The following ACBD4 variants were observed in gnomAD, a reference collection of about 807,000 sequenced individuals.
ACBD4 encodes the protein acyl-CoA binding domain containing 4.
Under a neutral mutation model 46.0 loss-of-function variants are expected in ACBD4, and 41 were observed. That is an observed-to-expected ratio of 0.89 (90% CI 0.69 to 1.16). ACBD4 has a LOEUF of 1.16. Among genes scored for constraint, ACBD4 ranks in the 50% most tolerant of loss-of-function variants. The pLI is 0.00. For missense variants in ACBD4, 393 were observed against 399.5 expected (o/e 0.98, Z 0.14); for synonymous variants, 162 against 155.9 (o/e 1.04, Z -0.29).
At chr17:45,132,375 C>A (rs2054474990), upstream of ACBD4, 1 of 1,228,176 alleles carries the variant, frequency 8.1e-7, no homozygotes, top group East Asian at 3.2e-5. This position sits in a 1 kb window ranked among gnomAD's most constrained non-coding sequence, Gnocchi z 4.6. Flanking sequence ...GCTCCTCGGG[C>A]GGGCGGCGGC....
At chr17:45,134,576 A>T (rs1373755473), upstream of ACBD4, among the ~76,000 whole-genome samples, 1 of 152,176 alleles carries the variant, frequency 6.6e-6, no homozygotes, top group Non-Finnish European at 1.5e-5. Flanking sequence ...GGAGATCGAG[A>T]CCATCCTGGC....
Position 45,139,040 on chromosome 17 carries a change from G to A in ACBD4, c.669G>A (p.Pro223=), listed in dbSNP as rs557303418. The A allele has an allele frequency of 6.8e-6, 11 of 1,613,360 alleles. 1 individual carries two copies. Among genetic ancestry groups the A allele is most frequent in the African/African-American group, 1.3e-5 (1 of 75,036 alleles). The change falls in exon 9 of 10, where the codon CCG becomes CCA. Residue 223 remains proline, a synonymous_variant. Coordinates refer to ENST00000321854, the MANE Select transcript of ACBD4 (RefSeq NM_001135705.3). ...PTKKEGLRGS[P]PGPQELDVWL... ...CCGCAGAGGGGTTGCGGGGCAGCCC[G>A]CCGGGGCCCCAGGAGTTGGACGTGT...
At chr17:45,135,598 T>C (rs1297377671), upstream of ACBD4, 1 of 155,042 alleles carries the variant, frequency 6.4e-6, no homozygotes, top group Non-Finnish European at 1.4e-5. Flanking sequence ...TTGAGGTAGG[T>C]AAGCCGAATG....
Position 45,143,513 on chromosome 17 carries a change from T to G in ACBD4, c.860T>G (p.Leu287Arg), listed in dbSNP as rs1424118068. 3 of 1,613,912 alleles carry G rather than the reference T, an allele frequency of 1.9e-6. No homozygotes were observed. The highest frequency in any genetic ancestry group is 2.5e-6 in the Non-Finnish European group (3 of 1,179,964). ...GLPGPALLFF[L>R]LWPFVVQWLF... ...CCGGGGCCCGCGCTGCTCTTCTTCC[T>G]CCTGTGGCCCTTCGTCGTCCAGTGG... Residue 287 changes from leucine to arginine, a missense_variant, in exon 10 of 10, where the codon CTC becomes CGC. Leu to Arg is a moderately radical substitution (Grantham distance 102). Around this residue, in one of 3 missense-constraint regions of ACBD4, gnomAD observed 308 missense variants for 301.8 expected, o/e 1.02. Transcript: ENST00000321854.
chr17:45,136,784 C>A lies in ACBD4; in HGVS notation c.294+8C>A. On this transcript the variant is annotated splice_region_variant and intron_variant, in intron 4 of 9. Coordinates refer to ENST00000321854, the MANE Select transcript of ACBD4 (RefSeq NM_001135705.3). Reference sequence around the variant, plus strand: ...AAACTGGTGGCACAGAAGGTAAGGGCTGCAGGTTCTCTGTCCCCAGGCTCC... The same window carrying A: ...AAACTGGTGGCACAGAAGGTAAGGGATGCAGGTTCTCTGTCCCCAGGCTCC... 1 of 1,612,822 alleles carries A rather than the reference C, an allele frequency of 6.2e-7. No homozygotes were observed. Among genetic ancestry groups the A allele is most frequent in the Non-Finnish European group, 8.5e-7 (1 of 1,180,002 alleles).
At chr17:45,132,355 G>A (rs1438016332), upstream of ACBD4, 4 of 1,230,958 alleles carry the variant, frequency 3.2e-6, no homozygotes, top group East Asian at 9.5e-5. The surrounding 1 kb of genome is among the most constrained non-coding windows in gnomAD (Gnocchi z 4.6). Context: ...GACCTGGGCG[G>A]CCACCGGGGG....
Position 45,137,469 on chromosome 17 carries a change from A to G in ACBD4, c.502+15A>G. The G allele has an allele frequency of 6.2e-7, 1 of 1,612,568 alleles. No homozygotes were observed. The highest frequency in any genetic ancestry group is 8.5e-7 in the Non-Finnish European group (1 of 1,179,078). On this transcript the variant is annotated intron_variant, in intron 6 of 9. Transcript: ENST00000321854. ...CCCAAGCCCAGGTTAGTGCTTGAGC[A>G]GGAGGGGTGGACCAAACTCAGGCTG...
Position 45,136,693 on chromosome 17 carries a change from G to A in ACBD4, c.211G>A (p.Asp71Asn), listed in dbSNP as rs745568117. The A allele has an allele frequency of 6.2e-7, 1 of 1,614,132 alleles. No individual in the cohort carries two copies. The highest frequency in any genetic ancestry group is 8.5e-7 in the Non-Finnish European group (1 of 1,180,026). ...FWDPIGRYKW[D>N]AWNSLGKMSR... ...CCTCTCACAGCCCTCTGCCCCCAGG[G>A]ACGCCTGGAACAGTCTGGGCAAGAT... Residue 71 changes from aspartate (D) to asparagine (N), a missense_variant and splice_region_variant, in exon 4 of 10, where the codon GAC becomes AAC. By Grantham distance (23) the Asp-to-Asn change is conservative. Coordinates refer to ENST00000321854, the MANE Select transcript of ACBD4 (RefSeq NM_001135705.3).
intron 6 of ACBD4, 113 bp downstream of exon 6, chr17:45,137,567 C>A (rs1236512427): frequency 3.6e-6 from 5 of 1,402,952 alleles, no homozygotes; most frequent in African/African-American, 2.8e-5. Context: ...CCTGTGCTCC[C>A]AAAGGTGGGG....
upstream of ACBD4, chr17:45,132,671 C>G (rs1371109646): frequency 4.2e-6 from 1 of 235,762 alleles, no homozygotes; most frequent in Non-Finnish European, 8.1e-6. The surrounding 1 kb of genome is among the most constrained non-coding windows in gnomAD (Gnocchi z 4.6). Context: ...CTCGTGAGTC[C>G]GTCTCCCCTT....
At chr17:45,138,045 C>A in intron 8 of ACBD4, 57 bp downstream of exon 8, 1 of 1,528,520 alleles carries the variant, frequency 6.5e-7, no homozygotes, top group East Asian at 2.4e-5. Context: ...TCCTGGCACC[C>A]CAGGCTTTCT....
At chr17:45,135,988 ACCT>A in intron 1 of ACBD4, 35 bp downstream of exon 1, 1 of 679,438 alleles carries the variant, frequency 1.5e-6, no homozygotes, top group Non-Finnish European at 2.4e-6. Context: ...ACAACTTCTG[ACCT>A]CCCAGGGTGT....
In ACBD4 at chr17:45,139,078, C is replaced by T. The variant is rs774955396; in HGVS notation, c.707C>T (p.Thr236Ile). The change falls in exon 9 of 10, where the codon ACA becomes ATA. Residue 236 changes from threonine (T) to isoleucine (I), a missense_variant. This residue lies in a region of ACBD4 where 308 missense variants were observed against 301.8 expected (regional missense o/e 1.02). Coordinates refer to ENST00000321854, the MANE Select transcript of ACBD4 (RefSeq NM_001135705.3). ...PQELDVWLLG[T>I]VRALQESMQE... ...GAGTTGGACGTGTGGCTGCTGGGGA[C>T]AGTTCGAGCACTACAGGAGAGCATG... 5 of 1,613,798 alleles carry T rather than the reference C, an allele frequency of 3.1e-6. No homozygotes were observed. The Admixed American group carries it at 6.7e-5, about 22-fold the overall frequency.
At chr17:45,141,182 C>T (rs919900681) in intron 9 of ACBD4, among the ~76,000 whole-genome samples, 1 of 152,232 alleles carries the variant, frequency 6.6e-6, no homozygotes, top group Non-Finnish European at 1.5e-5. Context: ...CTCTGTTTTT[C>T]CAGGCTAGGA....
At chr17:45,133,985 A>C (rs1567891681), upstream of ACBD4, among the ~76,000 whole-genome samples, 1 of 152,178 alleles carries the variant, frequency 6.6e-6, no homozygotes, top group Non-Finnish European at 1.5e-5. Context: ...TGTTATGGAC[A>C]CTTAATAGTT....
At position 45,136,208 on chromosome 17, in the gene ACBD4, G is replaced by A. The variant is rs1334345350; in HGVS notation, c.64G>A (p.Val22Ile). ...CQKQFQAAVS[V>I]IQNLPKNGSY... The stretch of plus-strand genomic sequence containing the variant: ...GAAACAGTTCCAGGCTGCAGTGAGC[G>A]TCATCCAGAACCTGCCCAAGAACGG... The change falls in exon 2 of 10, where the codon GTC becomes ATC. Residue 22 changes from valine (V) to isoleucine (I), a missense_variant. Physicochemically the swap from Val to Ile is conservative, Grantham distance 29 (BLOSUM62 3). Coordinates refer to ENST00000321854, the MANE Select transcript of ACBD4 (RefSeq NM_001135705.3). 1.2e-5 allele frequency: 20 copies of A among 1,613,574 alleles called. 1 individual carries two copies. The highest frequency in any genetic ancestry group is 1.4e-5 in the Non-Finnish European group (17 of 1,179,754).
chr17:45,134,049 A>G (rs985932492), upstream of ACBD4, among the ~76,000 whole-genome samples: 4 of 152,222 alleles, frequency 2.6e-5, no homozygotes, highest in Non-Finnish European at 4.4e-5. Context: ...AAAATGTGTA[A>G]TGATCAAATC....
chr17:45,143,726 C>A lies in ACBD4; in HGVS notation c.*155C>A. On this transcript the variant is annotated 3_prime_UTR_variant, in exon 10 of 10. Transcript: ENST00000321854. Reference sequence around the variant, plus strand: ...AAGCAGCGCGGGGGGCAAATAAGACCCCACCCCTCCCTGCAGCTTCACAGG... The same window carrying A: ...AAGCAGCGCGGGGGGCAAATAAGACACCACCCCTCCCTGCAGCTTCACAGG... 1 of 1,242,274 alleles carries A rather than the reference C, an allele frequency of 8.0e-7. No homozygotes were observed. Among genetic ancestry groups the A allele is most frequent in the Non-Finnish European group, 1.1e-6 (1 of 888,560 alleles). 77.0% of individuals were successfully genotyped at this position (1,242,274 alleles called of 1,614,324 possible).
chr17:45,142,926 C>T (rs1235514952), intron 9 of ACBD4: 2 of 153,566 alleles, frequency 1.3e-5, no homozygotes, highest in South Asian at 3.9e-4. Flanking sequence ...CATACCGGAT[C>T]TTATGTTCTT....
Sources: gnomAD v4.1 joint callset for allele counts (sites outside exome capture counted in the v4.1 genomes callset) on GRCh38, gnomAD v4.1.1 for gene constraint, gnomAD v4.1.1 regional missense constraint, Gnocchi (gnomAD v3.1) non-coding constraint, MANE v1.5 for transcripts, NCBI Gene and HGNC (gene_info 2026-07-23, HGNC 2026-07-21) for gene names.